NRXN1: variants seen among roughly 807,000 people sequenced by gnomAD.
NRXN1 encodes the protein neurexin-1.
NRXN1 carries 39 observed loss-of-function variants against 150.9 expected under a neutral mutation model. The ratio of observed to expected loss-of-function variants is 0.26; its 90% CI spans 0.20 to 0.34. NRXN1 has a LOEUF of 0.34. NRXN1 is among the 10% of genes least tolerant of loss of function. The probability of loss-of-function intolerance (pLI) is 1.00; values close to 1 mark genes in which losing one functional copy is unlikely to be tolerated. For synonymous variants in NRXN1, 924 were observed against 757.0 expected (o/e 1.22, Z -3.62); for missense variants, 1,815 against 1,949.9 (o/e 0.93, Z 1.30).
intron 5 of NRXN1, among the ~76,000 whole-genome samples, chr2:50,786,315 G>C (rs3931703): frequency 0.53 from 80,098 of 151,786 alleles, 21,560 homozygotes; most frequent in East Asian, 0.7. Context: ...CAAAAAATCT[G>C]TTTTTATTCC....
intron 5 of NRXN1, among the ~76,000 whole-genome samples, chr2:50,643,694 TA>T (rs1256640224): frequency 1.3e-5 from 2 of 151,894 alleles, no homozygotes; most frequent in Non-Finnish European, 2.9e-5. Context: ...ATATAACAGA[TA>T]AAAAACTCTG....
chr2:50,947,902 C>T (rs1324976115), intron 2 of NRXN1, among the ~76,000 whole-genome samples: 1 of 151,920 alleles, frequency 6.6e-6, no homozygotes, highest in Non-Finnish European at 1.5e-5. Flanking sequence ...GATAAGTTTA[C>T]ATAAGCCACA....
intron 17 of NRXN1, among the ~76,000 whole-genome samples, chr2:50,412,982 A>G (rs2083295598): frequency 1.3e-5 from 2 of 152,216 alleles, no homozygotes; most frequent in South Asian, 4.1e-4. Context: ...TGAAATTACT[A>G]CAAGAAAACA....
intron 9 of NRXN1, among the ~76,000 whole-genome samples, chr2:50,541,655 C>T (rs1362347429): frequency 6.6e-6 from 1 of 151,810 alleles, no homozygotes. Context: ...ATAGAGACCA[C>T]AATTTTCAAA....
intron 18 of NRXN1, chr2:50,199,381 G>C (rs1282227129): frequency 6.6e-6 from 1 of 152,006 alleles, no homozygotes; most frequent in African/African-American, 2.4e-5. Flanking sequence ...GAAATATACT[G>C]TTTTTGGAAC....
chr2:50,870,784 T>C (rs1278456983), intron 5 of NRXN1, among the ~76,000 whole-genome samples: 2 of 151,844 alleles, frequency 1.3e-5, no homozygotes, highest in East Asian at 3.9e-4. Flanking sequence ...TTGCAGGATG[T>C]CGTTTGCAAA....
chr2:50,172,122 G>A (rs2060067732), intron 18 of NRXN1, among the ~76,000 whole-genome samples: 1 of 152,076 alleles, frequency 6.6e-6, no homozygotes, highest in African/African-American at 2.4e-5. Flanking sequence ...AGATAATGGG[G>A]TTATTATAGA....
intron 5 of NRXN1, among the ~76,000 whole-genome samples, chr2:50,843,042 T>C (rs2105936875): frequency 6.6e-6 from 1 of 152,268 alleles, no homozygotes; most frequent in African/African-American, 2.4e-5. Context: ...TCTATGTGTA[T>C]AGTACTCATT....
At chr2:50,996,094 T>C (rs781159420) in intron 2 of NRXN1, among the ~76,000 whole-genome samples, 18 of 152,216 alleles carry the variant, frequency 1.2e-4, no homozygotes, top group Middle Eastern at 6.8e-3. Flanking sequence ...CAAGGAGATA[T>C]GTTGGAAAAT....
chr2:50,301,779 G>C lies in NRXN1; in HGVS notation c.3365-64809C>G, dbSNP rs2074173810. 2.0e-5 allele frequency among the ~76,000 whole-genome samples: 3 copies of C among 152,290 alleles called. No individual in the cohort carries two copies. In the East Asian group the frequency reaches 5.8e-4, roughly 29 times the overall value. ...GAACAGCATGAAGAATCAAGATGAGGCCCATTGCCTATTTGTTTTCCATTC... is the reference window on the plus strand; with the variant it reads ...GAACAGCATGAAGAATCAAGATGAGCCCCATTGCCTATTTGTTTTCCATTC... On this transcript the variant is annotated intron_variant, in intron 17 of 22. Coordinates refer to ENST00000401669, the MANE Select transcript of NRXN1 (RefSeq NM_001330078.2).
intron 18 of NRXN1, among the ~76,000 whole-genome samples, chr2:50,164,909 T>C (rs942225916): frequency 1.1e-4 from 16 of 152,184 alleles, no homozygotes; most frequent in African/African-American, 3.9e-4. Context: ...TTACTGTCAG[T>C]GGAGTGAAGC....
At chr2:50,803,680 G>C (rs1333236296) in intron 5 of NRXN1, among the ~76,000 whole-genome samples, 3 of 152,156 alleles carry the variant, frequency 2.0e-5, no homozygotes, top group Non-Finnish European at 2.9e-5. Flanking sequence ...AAACCATGCT[G>C]TTTGAGGTCA....
intron 10 of NRXN1, among the ~76,000 whole-genome samples, chr2:50,537,552 G>A (rs2093291230): frequency 6.6e-6 from 1 of 152,080 alleles, no homozygotes; most frequent in South Asian, 2.1e-4. Context: ...TAAAATGTGG[G>A]TTTGCCTCCT....
At chr2:50,242,328 A>G (rs1421815050) in intron 17 of NRXN1, among the ~76,000 whole-genome samples, 1 of 151,848 alleles carries the variant, frequency 6.6e-6, no homozygotes, top group Non-Finnish European at 1.5e-5. Context: ...CACAGAGAAG[A>G]CCACATTGTA....
At chr2:50,645,785 C>T (rs1280668072) in intron 5 of NRXN1, among the ~76,000 whole-genome samples, 1 of 151,858 alleles carries the variant, frequency 6.6e-6, no homozygotes, top group African/African-American at 2.4e-5. Context: ...AAGAAAAAAT[C>T]CAGCTTGATT....
At chr2:50,277,756 T>A (rs1161126632) in intron 17 of NRXN1, among the ~76,000 whole-genome samples, 1 of 152,072 alleles carries the variant, frequency 6.6e-6, no homozygotes, top group East Asian at 1.9e-4. Flanking sequence ...TGTGTCTGTT[T>A]ATACAATTCC....
intron 17 of NRXN1, among the ~76,000 whole-genome samples, chr2:50,365,957 A>G (rs971068621): frequency 2.0e-5 from 3 of 152,176 alleles, no homozygotes; most frequent in Admixed American, 6.6e-5. Context: ...GCAGGTCTGT[A>G]GCCAAGTGGA....
At chr2:50,657,861 T>C (rs1207891496) in intron 5 of NRXN1, among the ~76,000 whole-genome samples, 1 of 152,028 alleles carries the variant, frequency 6.6e-6, no homozygotes, top group Admixed American at 6.6e-5. Context: ...CTGTGGTATT[T>C]ACTGAGGTCC....
chr2:50,486,641 A>G (rs888307874), intron 15 of NRXN1, among the ~76,000 whole-genome samples: 2 of 152,068 alleles, frequency 1.3e-5, no homozygotes, highest in African/African-American at 2.4e-5. Context: ...GAGTCTGTGT[A>G]TTGTGGGTAG....
Sources: allele counts gnomAD v4.1 joint callset (sites outside exome capture counted in the v4.1 genomes callset), GRCh38; gene constraint gnomAD v4.1.1; transcripts MANE v1.5; gene names NCBI Gene and HGNC (gene_info 2026-07-23, HGNC 2026-07-21).